Variants in PROCR observed in about 807,000 individuals in gnomAD.
PROCR encodes endothelial protein C receptor.
A neutral mutation model predicts 24.2 loss-of-function variants in PROCR; 22 were observed. That is an observed-to-expected ratio of 0.91 (90% CI 0.65 to 1.30). PROCR has a LOEUF of 1.30. Among genes scored for constraint, PROCR ranks in the 50% most tolerant of loss-of-function variants. The pLI is 0.00. For missense variants in PROCR, 288 were observed against 307.7 expected (o/e 0.94, Z 0.48); for synonymous variants, 137 against 139.2 (o/e 0.98, Z 0.11).
At chr20:35,179,404 G>T (rs1297528314), downstream of PROCR, among the ~76,000 whole-genome samples, 1 of 151,756 alleles carries the variant, frequency 6.6e-6, no homozygotes, top group Non-Finnish European at 1.5e-5. Context: ...AAATTAGCTG[G>T]GCATGGTGGT....
At chr20:35,180,274 G>GA (rs957272301), downstream of PROCR, among the ~76,000 whole-genome samples, 3 of 98,374 alleles carry the variant, frequency 3.0e-5, no homozygotes, top group Non-Finnish European at 6.3e-5. Context: ...ACATAAATAA[G>GA]AAAAAAAAGA....
chr20:35,182,874 T>G (rs906756963), intron 1 of PROCR, among the ~76,000 whole-genome samples: 1 of 148,012 alleles, frequency 6.8e-6, no homozygotes. Flanking sequence ...CTCAGGAGGC[T>G]AAGGAAGGAG....
At chr20:35,192,674 C>T (rs371882157) in intron 1 of PROCR, among the ~76,000 whole-genome samples, 3 of 152,106 alleles carry the variant, frequency 2.0e-5, no homozygotes, top group Non-Finnish European at 4.4e-5. Context: ...ACTTTCCCCC[C>T]ACCTCCCTCT....
intron 1 of PROCR, among the ~76,000 whole-genome samples, chr20:35,190,903 A>G (rs1457115001): frequency 6.6e-6 from 1 of 152,148 alleles, no homozygotes; most frequent in South Asian, 2.1e-4. Context: ...CTCCGTCGCC[A>G]GGCTGGAGTG....
At chr20:35,180,569 T>C (rs1040665864), downstream of PROCR, among the ~76,000 whole-genome samples, 6 of 152,210 alleles carry the variant, frequency 3.9e-5, no homozygotes, top group Middle Eastern at 3.2e-3. Flanking sequence ...CAGATCTGCA[T>C]TGCCGTTTGA....
At chr20:35,205,279 A>AATAATAATG (rs1456648700) in intron 1 of PROCR, among the ~76,000 whole-genome samples, 1 of 150,832 alleles carries the variant, frequency 6.6e-6, no homozygotes, top group Non-Finnish European at 1.5e-5. Context: ...TCTCAATAAT[A>AATAATAATG]ATAATAATAA....
intron 1 of PROCR, chr20:35,202,595 T>C (rs1340532819): frequency 6.6e-6 from 1 of 152,046 alleles, no homozygotes; most frequent in Non-Finnish European, 1.5e-5. Flanking sequence ...ATTTTAAATA[T>C]AAAGATATAA....
At chr20:35,199,815 G>A (rs1388356924) in intron 1 of PROCR, among the ~76,000 whole-genome samples, 1 of 152,002 alleles carries the variant, frequency 6.6e-6, no homozygotes, top group Non-Finnish European at 1.5e-5. Context: ...GATGATCTGG[G>A]CAAAGTAAAC....
chr20:35,191,470 T>A (rs1233813551), intron 1 of PROCR, among the ~76,000 whole-genome samples: 1 of 152,124 alleles, frequency 6.6e-6, no homozygotes, highest in African/African-American at 2.4e-5. Context: ...AAATAATTTT[T>A]TTTTAATGTC....
chr20:35,210,498 G>A (rs62211491), intron 1 of PROCR, among the ~76,000 whole-genome samples: 45 of 151,270 alleles, frequency 3.0e-4, no homozygotes, highest in Admixed American at 2.6e-4. Flanking sequence ...AGTAAGCTAC[G>A]GTTGCGCCAC....
intron 1 of PROCR, among the ~76,000 whole-genome samples, chr20:35,204,600 T>C (rs1377534434): frequency 6.6e-6 from 1 of 151,932 alleles, no homozygotes; most frequent in African/African-American, 2.4e-5. Flanking sequence ...GGTCTCGAAC[T>C]CCTGGCTCAA....
chr20:35,204,891 A>G (rs2060332195), intron 1 of PROCR, among the ~76,000 whole-genome samples: 1 of 152,168 alleles, frequency 6.6e-6, no homozygotes, highest in Non-Finnish European at 1.5e-5. Flanking sequence ...AACTATTAGC[A>G]AAGGAATCCA....
downstream of PROCR, among the ~76,000 whole-genome samples, chr20:35,179,933 C>T: frequency 6.6e-6 from 1 of 152,058 alleles, no homozygotes; most frequent in African/African-American, 2.4e-5. Context: ...GTGTACCATC[C>T]AGTTCTACCT....
intron 1 of PROCR, among the ~76,000 whole-genome samples, chr20:35,173,991 C>G (rs888356726): frequency 6.6e-6 from 1 of 152,158 alleles, no homozygotes; most frequent in Non-Finnish European, 1.5e-5. Context: ...TGACTGCCTA[C>G]GTGCAAACCT....
chr20:35,182,753 T>A (rs990310748), intron 1 of PROCR, among the ~76,000 whole-genome samples: 1 of 152,018 alleles, frequency 6.6e-6, no homozygotes, highest in Non-Finnish European at 1.5e-5. Context: ...AGGTGGGCAG[T>A]TCACCTGAGG....
At chr20:35,189,588 A>C (rs1385916886) in intron 1 of PROCR, among the ~76,000 whole-genome samples, 2 of 151,990 alleles carry the variant, frequency 1.3e-5, no homozygotes, top group Admixed American at 6.6e-5. Context: ...CCCTATTCGT[A>C]CACTCCCTCC....
chr20:35,190,749 A>G (rs559272834), intron 1 of PROCR, among the ~76,000 whole-genome samples: 12 of 152,346 alleles, frequency 7.9e-5, no homozygotes, highest in Middle Eastern at 3.4e-3. Flanking sequence ...TTCACAGAGT[A>G]GTGAACTCCC....
chr20:35,196,793 T>C (rs923420435), intron 1 of PROCR, among the ~76,000 whole-genome samples: 1 of 152,264 alleles, frequency 6.6e-6, no homozygotes, highest in African/African-American at 2.4e-5. Context: ...AGCAACAGAA[T>C]TGGTATATAT....
At chr20:35,205,719 C>T (rs1294304147) in intron 1 of PROCR, among the ~76,000 whole-genome samples, 7 of 137,918 alleles carry the variant, frequency 5.1e-5, no homozygotes, top group African/African-American at 2.0e-4. Flanking sequence ...CCATTGCACT[C>T]CAGCCTGGGC....
Sources: allele counts gnomAD v4.1 joint callset (sites outside exome capture counted in the v4.1 genomes callset), GRCh38; gene constraint gnomAD v4.1.1; transcripts MANE v1.5; gene names NCBI Gene and HGNC (gene_info 2026-07-23, HGNC 2026-07-21).